Variants in RBFOX1 observed in about 807,000 individuals in gnomAD.
RBFOX1 encodes RNA binding protein fox-1 homolog 1.
In RBFOX1, 8 loss-of-function variants were observed where a neutral mutation model predicts 57.7. The ratio of observed to expected loss-of-function variants is 0.14; its 90% CI spans 0.08 to 0.25. RBFOX1 has a LOEUF of 0.25. RBFOX1 is among the 10% of genes least tolerant of loss of function. The pLI, the probability that RBFOX1 is intolerant of heterozygous loss-of-function variation, is 1.00. For synonymous variants in RBFOX1, 326 were observed against 222.4 expected (o/e 1.47, Z -4.15); for missense variants, 611 against 548.5 (o/e 1.11, Z -1.14).
chr16:7,176,807 C>T (rs1263345565), intron 4 of RBFOX1, among the ~76,000 whole-genome samples: 1 of 152,044 alleles, frequency 6.6e-6, no homozygotes, highest in Non-Finnish European at 1.5e-5. Context: ...TACACATATG[C>T]ACAAAACATC....
chr16:5,298,349 C>G (rs2063718123), intron 1 of RBFOX1, among the ~76,000 whole-genome samples: 1 of 152,094 alleles, frequency 6.6e-6, no homozygotes, highest in Admixed American at 6.5e-5. Context: ...AAGATTAAAT[C>G]TTGGGAGAGT....
At chr16:7,577,532 G>A (rs1327657232) in intron 5 of RBFOX1, among the ~76,000 whole-genome samples, 1 of 152,190 alleles carries the variant, frequency 6.6e-6, no homozygotes, top group Non-Finnish European at 1.5e-5. Flanking sequence ...GGCAAGCCTG[G>A]CTGAACCTCC....
rs560758627 is a variant in RBFOX1 at position 6,851,130 on chromosome 16, G to C, written c.-16+196480G>C. Reference sequence around the variant, plus strand: ...CTCCCTTGTGGTGAGTGGAAAAAAAGCCCATTTCTAAATCATTTTGTCCAG... The same window carrying C: ...CTCCCTTGTGGTGAGTGGAAAAAAACCCCATTTCTAAATCATTTTGTCCAG... On this transcript the variant is annotated intron_variant, in intron 3 of 15. Coordinates refer to ENST00000550418, the MANE Select transcript of RBFOX1 (RefSeq NM_018723.4). Among the ~76,000 whole-genome samples the C allele has an allele frequency of 4.6e-5, 7 of 152,288 alleles. No individual in the cohort carries two copies. In the South Asian group the frequency reaches 1.5e-3, roughly 32 times the overall value.
At chr16:7,571,626 C>T (rs1203228935) in intron 5 of RBFOX1, among the ~76,000 whole-genome samples, 5 of 152,142 alleles carry the variant, frequency 3.3e-5, no homozygotes, top group Non-Finnish European at 2.9e-5. Context: ...TTCTGCCGCA[C>T]AGATCCCGCC....
chr16:7,700,655 C>T (rs1448292804), intron 14 of RBFOX1, among the ~76,000 whole-genome samples: 1 of 152,140 alleles, frequency 6.6e-6, no homozygotes, highest in Non-Finnish European at 1.5e-5. Context: ...TGGCCTTGAG[C>T]TCTGCATTAA....
At chr16:6,362,999 G>A (rs1398990877) in intron 2 of RBFOX1, among the ~76,000 whole-genome samples, 1 of 152,140 alleles carries the variant, frequency 6.6e-6, no homozygotes, top group African/African-American at 2.4e-5. Context: ...GCTGAAGCTG[G>A]CATGATTACT....
At chr16:6,576,064 C>G (rs1427685066) in intron 2 of RBFOX1, among the ~76,000 whole-genome samples, 1 of 152,116 alleles carries the variant, frequency 6.6e-6, no homozygotes, top group Non-Finnish European at 1.5e-5. Flanking sequence ...ACTAGCATGG[C>G]AGGCTCACTG....
chr16:6,821,458 A>G (rs1001737794), intron 3 of RBFOX1, among the ~76,000 whole-genome samples: 1 of 152,236 alleles, frequency 6.6e-6, no homozygotes, highest in Non-Finnish European at 1.5e-5. Context: ...CACATAGTGC[A>G]TTAATGTTGT....
chr16:6,039,454 C>T (rs1254683312), intron 1 of RBFOX1, among the ~76,000 whole-genome samples: 1 of 151,840 alleles, frequency 6.6e-6, no homozygotes, highest in Non-Finnish European at 1.5e-5. Flanking sequence ...TTAGCACCAG[C>T]TTGGAGACCG....
chr16:6,514,629 C>G (rs563929687), intron 2 of RBFOX1, among the ~76,000 whole-genome samples: 1 of 152,254 alleles, frequency 6.6e-6, no homozygotes, highest in East Asian at 1.9e-4. Context: ...CCCTCACATG[C>G]CCTTTGTCTG....
At chr16:6,907,171 G>A (rs1224884354) in intron 3 of RBFOX1, among the ~76,000 whole-genome samples, 1 of 152,154 alleles carries the variant, frequency 6.6e-6, no homozygotes. Context: ...CTTGGCAGGG[G>A]AGTATGTCCT....
chr16:6,875,503 C>T (rs549018348), intron 3 of RBFOX1, among the ~76,000 whole-genome samples: 12 of 152,252 alleles, frequency 7.9e-5, no homozygotes, highest in African/African-American at 2.4e-4. Flanking sequence ...GTGCAGTATA[C>T]ATCAATTCAG....
At chr16:6,705,184 C>T (rs1316448285) in intron 3 of RBFOX1, 2 of 152,090 alleles carry the variant, frequency 1.3e-5, no homozygotes, top group Non-Finnish European at 2.9e-5. Context: ...AGCCATTGCT[C>T]TATGGTTCCA....
rs189548440 is a variant in RBFOX1, at chr16:6,870,956, C to T, written c.-15-181101C>T. ...TTTCTATCCGTAAGTGTCCATATTCCTGTAGACCTGGATGTAAGTGGATGA... is the reference window on the plus strand; with the variant it reads ...TTTCTATCCGTAAGTGTCCATATTCTTGTAGACCTGGATGTAAGTGGATGA... On this transcript the variant is annotated intron_variant, in intron 3 of 15. Coordinates refer to ENST00000550418, the MANE Select transcript of RBFOX1 (RefSeq NM_018723.4). Among the ~76,000 whole-genome samples, 62 of 152,254 alleles carry T rather than the reference C, an allele frequency of 4.1e-4. 1 individual carries two copies. Among genetic ancestry groups the T allele is most frequent in the African/African-American group, 1.4e-3 (60 of 41,540 alleles).
chr16:5,959,655 T>C (rs1355895032), intron 4 of RBFOX1, among the ~76,000 whole-genome samples: 3 of 152,138 alleles, frequency 2.0e-5, no homozygotes, highest in Non-Finnish European at 2.9e-5. Flanking sequence ...GTGTAAGGAA[T>C]GACAGTTTTC....
At chr16:7,640,255 A>G (rs2062545765) in intron 11 of RBFOX1, among the ~76,000 whole-genome samples, 1 of 152,234 alleles carries the variant, frequency 6.6e-6, no homozygotes, top group Non-Finnish European at 1.5e-5. Flanking sequence ...TAAAACCACT[A>G]GTAGAACCTC....
rs572959789 is a variant in RBFOX1, at chr16:6,440,803, A to G, written c.-64+123746A>G. On this transcript the variant is annotated intron_variant, in intron 2 of 15. Transcript: ENST00000550418. ...GTGACAGAGCGAGACACCATCTGGA[A>G]AAAAAAAAAAAAAAAAATCAGTAAT... Among the ~76,000 whole-genome samples the G allele has an allele frequency of 3.2e-3, 414 of 127,402 alleles. 1 individual carries two copies. Among genetic ancestry groups the G allele is most frequent in the African/African-American group, 0.013 (384 of 28,774 alleles). The allele number at this position is 127,402 out of a possible 152,430, so 83.6% of individuals were successfully genotyped here.
chr16:6,714,676 G>C (rs1306164106), intron 3 of RBFOX1, among the ~76,000 whole-genome samples: 1 of 152,120 alleles, frequency 6.6e-6, no homozygotes, highest in Non-Finnish European at 1.5e-5. Context: ...ATATCATAAA[G>C]GTGTAGGTAA....
chr16:5,401,818 C>G (rs928007991), intron 1 of RBFOX1, among the ~76,000 whole-genome samples: 2 of 151,364 alleles, frequency 1.3e-5, no homozygotes, highest in Non-Finnish European at 2.9e-5. Context: ...TTCTCCTTCT[C>G]GTGCTGCTGC....
Sources: gnomAD v4.1 joint callset for allele counts (sites outside exome capture counted in the v4.1 genomes callset) on GRCh38, gnomAD v4.1.1 for gene constraint, MANE v1.5 for transcripts, NCBI Gene and HGNC (gene_info 2026-07-23, HGNC 2026-07-21) for gene names.